The following LYPLAL1 variants were observed in gnomAD, a reference collection of about 807,000 sequenced individuals.
LYPLAL1 encodes the protein lysophospholipase like 1.
Under a neutral mutation model 19.7 loss-of-function variants are expected in LYPLAL1, and 23 were observed. The ratio of observed to expected loss-of-function variants is 1.17; its 90% confidence interval spans 0.84 to 1.65. LYPLAL1 has a LOEUF of 1.65. LYPLAL1 is among the 40% of genes most tolerant of loss of function. The pLI is 0.00. For missense variants in LYPLAL1, 355 were observed against 279.4 expected (o/e 1.27, Z -1.93); for synonymous variants, 119 against 96.3 (o/e 1.24, Z -1.38).
At chr1:219,344,031 A>G in the LYPLAL1 span, among the ~76,000 whole-genome samples, 2 of 152,118 alleles carry the variant, frequency 1.3e-5, no homozygotes, top group Admixed American at 6.6e-5. Context: ...CTCATTTCTT[A>G]AGGAAAGATT....
At chr1:219,285,705 A>G in the LYPLAL1 span, among the ~76,000 whole-genome samples, 1 of 152,182 alleles carries the variant, frequency 6.6e-6, no homozygotes, top group South Asian at 2.1e-4. Flanking sequence ...TCGTTGCCTT[A>G]GGGTCTGAGG....
the LYPLAL1 span, among the ~76,000 whole-genome samples, chr1:219,353,987 G>T: frequency 0.024 from 3,584 of 152,256 alleles, 65 homozygotes; most frequent in Middle Eastern, 0.051. Flanking sequence ...ATCACTGTGT[G>T]TACATAATAA....
chr1:219,230,589 G>T, the LYPLAL1 span, among the ~76,000 whole-genome samples: 1 of 152,130 alleles, frequency 6.6e-6, no homozygotes, highest in Non-Finnish European at 1.5e-5. Flanking sequence ...TAATCTTATG[G>T]CATTAAAGTT....
the LYPLAL1 span, among the ~76,000 whole-genome samples, chr1:219,331,294 A>G: frequency 6.6e-6 from 1 of 152,124 alleles, no homozygotes; most frequent in Non-Finnish European, 1.5e-5. Context: ...GTATTAGACA[A>G]TTATTACCAC....
the LYPLAL1 span, among the ~76,000 whole-genome samples, chr1:219,322,942 T>C: frequency 6.6e-6 from 1 of 152,360 alleles, no homozygotes; most frequent in South Asian, 2.1e-4. Context: ...TTCTACATGT[T>C]GAAATAGGAA....
At chr1:219,288,214 C>G in the LYPLAL1 span, among the ~76,000 whole-genome samples, 1 of 152,070 alleles carries the variant, frequency 6.6e-6, no homozygotes, top group Non-Finnish European at 1.5e-5. Flanking sequence ...TAGAAGCAAC[C>G]AAGATGTTCT....
the LYPLAL1 span, among the ~76,000 whole-genome samples, chr1:219,231,811 T>C: frequency 6.6e-6 from 1 of 152,182 alleles, no homozygotes; most frequent in African/African-American, 2.4e-5. Context: ...TCAATATCTA[T>C]AGACAACTCT....
downstream of LYPLAL1, among the ~76,000 whole-genome samples, chr1:219,213,043 C>A (rs1659156639): frequency 6.6e-6 from 1 of 151,990 alleles, no homozygotes; most frequent in Non-Finnish European, 1.5e-5. Flanking sequence ...AGATCCTTGC[C>A]AACACTCATT....
At chr1:219,286,485 A>G in the LYPLAL1 span, among the ~76,000 whole-genome samples, 1 of 152,184 alleles carries the variant, frequency 6.6e-6, no homozygotes, top group Non-Finnish European at 1.5e-5. Context: ...ACTAAGAAAA[A>G]AAATAAAGAT....
At chr1:219,386,025 G>T in the LYPLAL1 span, among the ~76,000 whole-genome samples, 2 of 152,162 alleles carry the variant, frequency 1.3e-5, no homozygotes, top group South Asian at 2.1e-4. Flanking sequence ...GTGGATGGGG[G>T]ACTCCAAGCA....
chr1:219,321,424 G>A, the LYPLAL1 span, among the ~76,000 whole-genome samples: 2 of 152,140 alleles, frequency 1.3e-5, no homozygotes, highest in East Asian at 1.9e-4. Flanking sequence ...TTCTTCTGCT[G>A]TGCAGAAGCT....
the LYPLAL1 span, among the ~76,000 whole-genome samples, chr1:219,338,091 G>T: frequency 2.0e-5 from 3 of 151,974 alleles, no homozygotes; most frequent in Non-Finnish European, 4.4e-5. Context: ...ATTTTACGTG[G>T]TTTGGATGGA....
the LYPLAL1 span, among the ~76,000 whole-genome samples, chr1:219,338,545 A>T: frequency 6.6e-6 from 1 of 151,940 alleles, no homozygotes; most frequent in Non-Finnish European, 1.5e-5. Flanking sequence ...TAAAAACTAG[A>T]GTGAAAATAT....
At chr1:219,217,412 G>GTGTGTGTGTGTGTGTGTGTGTGTGT (rs1553304623), downstream of LYPLAL1, among the ~76,000 whole-genome samples, 1 of 70,768 alleles carries the variant, frequency 1.4e-5, no homozygotes, top group East Asian at 6.0e-4. Context: ...GTGTGTGAGA[G>GTGTGTGTGTGTGTGTGTGTGTGTGT]ATGGTTGTAA....
the LYPLAL1 span, among the ~76,000 whole-genome samples, chr1:219,348,454 C>T: frequency 1.3e-5 from 2 of 152,222 alleles, 1 homozygote; most frequent in South Asian, 4.1e-4. Context: ...GTGTATTCCT[C>T]AGCTTCTTCT....
the LYPLAL1 span, among the ~76,000 whole-genome samples, chr1:219,313,505 C>T: frequency 6.9e-6 from 1 of 145,822 alleles, no homozygotes; most frequent in African/African-American, 2.5e-5. Flanking sequence ...CTTACGTTTT[C>T]AGAGAGTTTT....
chr1:219,250,798 A>G, the LYPLAL1 span, among the ~76,000 whole-genome samples: 1 of 152,080 alleles, frequency 6.6e-6, no homozygotes, highest in African/African-American at 2.4e-5. Flanking sequence ...ACAATGATTT[A>G]TATTCCTCTG....
the LYPLAL1 span, among the ~76,000 whole-genome samples, chr1:219,239,186 T>C: frequency 6.6e-6 from 1 of 152,140 alleles, no homozygotes; most frequent in African/African-American, 2.4e-5. Flanking sequence ...CCAGGAAATA[T>C]ATTATTATTT....
chr1:219,230,407 G>A, the LYPLAL1 span, among the ~76,000 whole-genome samples: 2 of 150,738 alleles, frequency 1.3e-5, no homozygotes, highest in African/African-American at 5.0e-5. Flanking sequence ...CACCGCACCC[G>A]GCCGTAGGTT....
Sources: allele counts gnomAD v4.1 joint callset (sites outside exome capture counted in the v4.1 genomes callset), GRCh38; gene constraint gnomAD v4.1.1; transcripts MANE v1.5; gene names NCBI Gene and HGNC (gene_info 2026-07-23, HGNC 2026-07-21).